XRCC4: variants seen among roughly 807,000 people sequenced by gnomAD.
XRCC4 encodes the protein DNA repair protein XRCC4.
In XRCC4, 28 loss-of-function variants were observed where a neutral mutation model predicts 39.1. That is an observed-to-expected ratio of 0.72 (90% CI 0.53 to 0.98). XRCC4 has a LOEUF of 0.98. Ranked by LOEUF, XRCC4 falls within the 50% of genes least tolerant of loss-of-function variation. XRCC4 has a pLI of 0.00. For missense variants in XRCC4, 350 were observed against 376.4 expected, an observed-to-expected ratio of 0.93 and a Z score of 0.58; for synonymous variants, 123 against 126.4, an observed-to-expected ratio of 0.97 and a Z score of 0.18.
chr5:83,264,681 A>G (rs1037810179), intron 7 of XRCC4, among the ~76,000 whole-genome samples: 1 of 152,012 alleles, frequency 6.6e-6, no homozygotes, highest in African/African-American at 2.4e-5. Flanking sequence ...TCTCTCTTCC[A>G]CACTTCATTG....
chr5:83,237,295 A>G (rs766793971), intron 6 of XRCC4, among the ~76,000 whole-genome samples: 12 of 152,198 alleles, frequency 7.9e-5, no homozygotes, highest in Non-Finnish European at 1.6e-4. Context: ...AATAGCCAAC[A>G]CATATATCCA....
At chr5:83,305,877 G>A (rs1007786474) in intron 7 of XRCC4, among the ~76,000 whole-genome samples, 3 of 152,010 alleles carry the variant, frequency 2.0e-5, no homozygotes, top group East Asian at 1.9e-4. Context: ...TTTTTTAAAC[G>A]AAAAATATCC....
At chr5:83,231,594 G>C (rs1027426182) in intron 6 of XRCC4, among the ~76,000 whole-genome samples, 5 of 151,898 alleles carry the variant, frequency 3.3e-5, no homozygotes, top group Admixed American at 6.6e-5. Flanking sequence ...GACTCTTATC[G>C]TTATTATCTG....
chr5:83,306,093 C>G (rs1185899243), intron 7 of XRCC4, among the ~76,000 whole-genome samples: 1 of 150,628 alleles, frequency 6.6e-6, no homozygotes, highest in African/African-American at 2.4e-5. Flanking sequence ...CCAAGGTTAG[C>G]CCAGAACATT....
intron 4 of XRCC4, 112 bp downstream of exon 4, chr5:83,196,048 TTTACC>T (rs2112702147): frequency 9.0e-7 from 1 of 1,114,110 alleles, no homozygotes; most frequent in South Asian, 2.5e-5. Context: ...CACATATATA[TTTACC>T]TTAACTGAAT....
chr5:83,174,568 T>G (rs1349836379), intron 3 of XRCC4, among the ~76,000 whole-genome samples: 1 of 152,226 alleles, frequency 6.6e-6, no homozygotes, highest in Non-Finnish European at 1.5e-5. Flanking sequence ...TGGCCATGGA[T>G]AAGTGTTCTC....
intron 3 of XRCC4, among the ~76,000 whole-genome samples, chr5:83,132,226 T>G (rs1747630092): frequency 6.6e-6 from 1 of 152,148 alleles, no homozygotes; most frequent in African/African-American, 2.4e-5. Context: ...TCTTCTGGCT[T>G]GTAGAGTTTC....
chr5:83,108,784 A>G (rs1230222829), intron 2 of XRCC4, among the ~76,000 whole-genome samples: 1 of 151,530 alleles, frequency 6.6e-6, no homozygotes, highest in Admixed American at 6.6e-5. Context: ...AAAGTTAGAT[A>G]GTTACTTTTT....
At chr5:83,304,519 A>G (rs1755410307) in intron 7 of XRCC4, among the ~76,000 whole-genome samples, 1 of 152,194 alleles carries the variant, frequency 6.6e-6, no homozygotes, top group Non-Finnish European at 1.5e-5. Flanking sequence ...GTTACTACAA[A>G]TGTCTTTTGA....
chr5:83,125,986 CAAAAAAAAA>C (rs35711158), intron 3 of XRCC4, among the ~76,000 whole-genome samples: 1 of 108,502 alleles, frequency 9.2e-6, no homozygotes, highest in Non-Finnish European at 1.9e-5. Flanking sequence ...TCCATCTCAT[CAAAAAAAAA>C]AAAAAAAAAA....
rs199539483 is a variant in XRCC4 at position 83,255,088 on chromosome 5, AAAAAAG to A, written c.746-3436_746-3431del. Among the ~76,000 whole-genome samples, 705 of 125,090 alleles carry A rather than the reference AAAAAAG, an allele frequency of 5.6e-3. 3 individuals are homozygous for A. The highest frequency in any genetic ancestry group is 0.025 in the African/African-American group (650 of 25,656). 82.1% of individuals were successfully genotyped at this position (125,090 alleles called of 152,430 possible). On this transcript the variant is annotated intron_variant, in intron 6 of 7. Transcript: ENST00000396027. ...GGCAACAAGAGCAAAATTCCGTCTC[AAAAAAG>A]AAAAAAAAAAAGAAAAGAAATTTGA... is the stretch of plus-strand genomic sequence containing the variant.
chr5:83,170,101 A>T (rs1251624295), intron 3 of XRCC4, among the ~76,000 whole-genome samples: 1 of 152,166 alleles, frequency 6.6e-6, no homozygotes, highest in Non-Finnish European at 1.5e-5. Context: ...AGAATACCTT[A>T]TGAAGGCATT....
chr5:83,077,705 C>A, intron 1 of XRCC4, 90 bp downstream of exon 1: 1 of 212,600 alleles, frequency 4.7e-6, no homozygotes. Flanking sequence ...TAAAAAAGTT[C>A]CCTGCTACTT....
intron 3 of XRCC4, among the ~76,000 whole-genome samples, chr5:83,145,215 T>C (rs1270224878): frequency 1.3e-5 from 2 of 152,196 alleles, no homozygotes; most frequent in African/African-American, 4.8e-5. Context: ...TTTTAATCCT[T>C]AATTACAGTG....
At chr5:83,237,402 A>G (rs973158943) in intron 6 of XRCC4, among the ~76,000 whole-genome samples, 2 of 152,134 alleles carry the variant, frequency 1.3e-5, no homozygotes, top group African/African-American at 4.8e-5. Flanking sequence ...AAATCCTGTC[A>G]TTTGCAACAG....
chr5:83,316,806 T>C (rs1245229398), intron 7 of XRCC4, among the ~76,000 whole-genome samples: 1 of 132,822 alleles, frequency 7.5e-6, no homozygotes, highest in Non-Finnish European at 1.6e-5. Context: ...AGACAGAAAG[T>C]CAACAAGGAT....
At chr5:83,228,801 A>G (rs977570064) in intron 6 of XRCC4, among the ~76,000 whole-genome samples, 1 of 152,056 alleles carries the variant, frequency 6.6e-6, no homozygotes, top group South Asian at 2.1e-4. Flanking sequence ...TTTTGGCAAC[A>G]TTTTCTTCCA....
intron 3 of XRCC4, among the ~76,000 whole-genome samples, chr5:83,144,589 C>G (rs1401401528): frequency 3.7e-5 from 4 of 108,930 alleles, no homozygotes; most frequent in Non-Finnish European, 6.7e-5. Context: ...GGCTGAGCTT[C>G]TTGAATCTAT....
At chr5:83,115,447 A>AAACG (rs111674788) in intron 3 of XRCC4, among the ~76,000 whole-genome samples, 2,220 of 152,234 alleles carry the variant, frequency 0.015, 62 homozygotes, top group African/African-American at 0.051. Flanking sequence ...ACAAACAAAC[A>AAACG]AACAAAAAAA....
Sources: gnomAD v4.1 joint callset for allele counts (sites outside exome capture counted in the v4.1 genomes callset) on GRCh38, gnomAD v4.1.1 for gene constraint, MANE v1.5 for transcripts, NCBI Gene and HGNC (gene_info 2026-07-23, HGNC 2026-07-21) for gene names.